The following CDHR3 variants were observed in gnomAD, a reference collection of about 807,000 sequenced individuals.
CDHR3 encodes cadherin related family member 3, also known as cadherin-related family member 3.
In CDHR3, 79 loss-of-function variants were observed where a neutral mutation model predicts 86.6. That is an observed-to-expected ratio of 0.91 (90% CI 0.76 to 1.10). CDHR3 has a LOEUF of 1.10. Ranked by LOEUF, CDHR3 falls within the 50% of genes least tolerant of loss-of-function variation. The probability of loss-of-function intolerance (pLI) is 0.00; values close to 1 mark genes in which losing one functional copy is unlikely to be tolerated. For synonymous variants in CDHR3, 421 were observed against 402.4 expected (o/e 1.05, Z -0.55); for missense variants, 1,081 against 1,077.6 (o/e 1.00, Z -0.04).
At chr7:105,971,155 A>AT (rs1475475536) in intron 1 of CDHR3, among the ~76,000 whole-genome samples, 1 of 151,762 alleles carries the variant, frequency 6.6e-6, no homozygotes, top group East Asian at 1.9e-4. Context: ...AAAAAAAAAA[A>AT]AATCAGTATC....
intron 1 of CDHR3, among the ~76,000 whole-genome samples, chr7:105,973,093 T>C (rs1049932632): frequency 5.3e-5 from 8 of 152,172 alleles, no homozygotes; most frequent in Admixed American, 2.6e-4. Context: ...CTCCTACTTG[T>C]TCAGGGTTTT....
chr7:106,011,815 G>T (rs148452439), intron 8 of CDHR3, among the ~76,000 whole-genome samples: 1 of 152,176 alleles, frequency 6.6e-6, no homozygotes, highest in Non-Finnish European at 1.5e-5. Flanking sequence ...TCTGAGTTTG[G>T]GGGTAGCTTT....
intron 13 of CDHR3, 128 bp from the exon 14 acceptor site, chr7:106,022,070 C>A: frequency 8.7e-7 from 1 of 1,154,472 alleles, no homozygotes; most frequent in Non-Finnish European, 1.2e-6. Context: ...TCTGGTGTAT[C>A]AGAGACACAG....
At position 106,028,573 on chromosome 7, in the gene CDHR3, C is replaced by A; in HGVS notation, c.2295C>A (p.Asp765Glu). The A allele has an allele frequency of 6.2e-7, 1 of 1,613,862 alleles. No homozygotes were observed. Among genetic ancestry groups the A allele is most frequent in the Non-Finnish European group, 8.5e-7 (1 of 1,179,832 alleles). Reference protein sequence around the residue: ...KKGETKTAERDVVVETIQMNT... With the variant: ...KKGETKTAEREVVVETIQMNT... ...CAGAAACGAAGACTGCAGAGAGAGACGTCGTGGTGGTGAGTATGGGCAGTG... is the reference window on the plus strand; with the variant it reads ...CAGAAACGAAGACTGCAGAGAGAGAAGTCGTGGTGGTGAGTATGGGCAGTG... Residue 765 changes from aspartate to glutamate, a missense_variant, in exon 17 of 19, where the codon GAC (aspartate) becomes GAA (glutamate). Coordinates refer to ENST00000317716, the MANE Select transcript of CDHR3 (RefSeq NM_152750.5).
At chr7:105,980,905 G>C (rs1482799970) in intron 2 of CDHR3, 63 bp from the exon 3 acceptor site, 2 of 1,445,654 alleles carry the variant, frequency 1.4e-6, no homozygotes, top group Middle Eastern at 1.7e-4. Flanking sequence ...CCTTTGCAAA[G>C]TGCATGCATG....
intron 4 of CDHR3, among the ~76,000 whole-genome samples, chr7:105,985,345 AG>A (rs1453607760): frequency 6.6e-6 from 1 of 152,302 alleles, no homozygotes; most frequent in African/African-American, 2.4e-5. Flanking sequence ...GAGAGAAAAA[AG>A]AAAAAACAAA....
chr7:105,981,741 T>C (rs981692611), intron 3 of CDHR3, among the ~76,000 whole-genome samples: 1 of 152,150 alleles, frequency 6.6e-6, no homozygotes. Flanking sequence ...TCAAACTTAA[T>C]GTGCTTCTGA....
In CDHR3 at chr7:105,988,340, G is replaced by A. The variant is rs1830829665; in HGVS notation, c.513+4051G>A. Among the ~76,000 whole-genome samples the A allele has an allele frequency of 1.3e-5, 2 of 152,206 alleles. 1 individual carries two copies. The highest frequency in any genetic ancestry group is 4.1e-4 in the South Asian group (2 of 4,830). On this transcript the variant is annotated intron_variant, in intron 4 of 18. Transcript: ENST00000317716. Reference sequence around the variant, plus strand: ...CTCCCCGGTGATTCTGATGTACCATGTACTTCAAGAACCACTGGACTGAAC... The same window carrying A: ...CTCCCCGGTGATTCTGATGTACCATATACTTCAAGAACCACTGGACTGAAC...
intron 5 of CDHR3, among the ~76,000 whole-genome samples, chr7:105,995,717 T>C (rs979047584): frequency 1.3e-5 from 2 of 152,170 alleles, no homozygotes; most frequent in African/African-American, 4.8e-5. Context: ...GCATTTTTTT[T>C]CTAAGATGTA....
At chr7:106,026,761 G>T (rs557065166) in intron 16 of CDHR3, 66 bp downstream of exon 16, 4 of 1,535,216 alleles carry the variant, frequency 2.6e-6, no homozygotes, top group East Asian at 4.5e-5. Context: ...ACGTAAAAAG[G>T]TTCCTACTCG....
At chr7:105,966,189 T>C (rs1453129030) in intron 1 of CDHR3, among the ~76,000 whole-genome samples, 1 of 152,102 alleles carries the variant, frequency 6.6e-6, no homozygotes, top group Non-Finnish European at 1.5e-5. Context: ...ATGAAGGACA[T>C]AGAGAAGGAC....
chr7:106,023,103 G>A (rs1262686072), intron 14 of CDHR3, among the ~76,000 whole-genome samples: 3 of 152,152 alleles, frequency 2.0e-5, no homozygotes, highest in Non-Finnish European at 4.4e-5. Flanking sequence ...CCTGGAAACT[G>A]GTTGGAAATG....
intron 8 of CDHR3, among the ~76,000 whole-genome samples, chr7:106,005,894 C>T (rs1430285520): frequency 6.6e-6 from 1 of 152,216 alleles, no homozygotes; most frequent in Non-Finnish European, 1.5e-5. Flanking sequence ...CCACCCTGCT[C>T]TGTGCTCCAA....
intron 3 of CDHR3, among the ~76,000 whole-genome samples, chr7:105,981,448 C>T (rs1829718138): frequency 6.6e-6 from 1 of 152,184 alleles, no homozygotes; most frequent in African/African-American, 2.4e-5. Flanking sequence ...CTAGGCTCAT[C>T]CCTGTGTACC....
At chr7:105,983,705 A>G (rs978808445) in intron 3 of CDHR3, among the ~76,000 whole-genome samples, 10 of 151,856 alleles carry the variant, frequency 6.6e-5, no homozygotes, top group African/African-American at 2.2e-4. Flanking sequence ...GCCCTCCCCT[A>G]CTTATTCTAT....
chr7:105,974,503 G>A (rs1285603615), intron 1 of CDHR3, among the ~76,000 whole-genome samples: 4 of 128,622 alleles, frequency 3.1e-5, no homozygotes, highest in African/African-American at 8.0e-5. Context: ...TTCTTTAGGC[G>A]GATGTCTGTC....
Position 106,028,600 on chromosome 7 carries a change from G to A in CDHR3, c.2304+18G>A. On this transcript the variant is annotated intron_variant, in intron 17 of 18. Coordinates refer to ENST00000317716, the MANE Select transcript of CDHR3 (RefSeq NM_152750.5). ...TCGTGGTGGTGAGTATGGGCAGTGT[G>A]GGGCACCAGGCATAGACGCTGGGGG... The A allele has an allele frequency of 6.2e-7, 1 of 1,613,756 alleles. No homozygotes were observed. The highest frequency in any genetic ancestry group is 8.5e-7 in the Non-Finnish European group (1 of 1,179,762).
At chr7:105,997,443 G>C (rs1275728571) in intron 6 of CDHR3, among the ~76,000 whole-genome samples, 3 of 152,188 alleles carry the variant, frequency 2.0e-5, no homozygotes, top group Non-Finnish European at 4.4e-5. Flanking sequence ...CTTTCCATCA[G>C]CACCTGATGC....
In CDHR3 at chr7:106,004,521, C is replaced by T. The variant is rs199865552; in HGVS notation, c.886C>T (p.Gln296Ter). The change falls in exon 8 of 19, where the codon CAA (glutamine) becomes TAA (stop). Residue 296 changes from glutamine to a stop codon, truncating the protein, a stop_gained. Transcript: ENST00000317716. LOFTEE classifies it high-confidence loss of function. Reference sequence around the variant, plus strand: ...AGTGACTGGTACAATCCAAGTGGCCCAAAGGATAGACCGAGATGCAGGTGA... The same window carrying T: ...AGTGACTGGTACAATCCAAGTGGCCTAAAGGATAGACCGAGATGCAGGTGA... ...NQLTGTIQVA[Q>*]RIDRDAGELR... 32 of 1,613,986 alleles carry T rather than the reference C, an allele frequency of 2.0e-5. No homozygotes were observed. The highest frequency in any genetic ancestry group is 2.4e-5 in the Non-Finnish European group (28 of 1,179,866).
Sources: allele counts gnomAD v4.1 joint callset (sites outside exome capture counted in the v4.1 genomes callset), GRCh38; gene constraint gnomAD v4.1.1; transcripts MANE v1.5; gene names NCBI Gene and HGNC (gene_info 2026-07-23, HGNC 2026-07-21).